The following SNTB1 variants were observed in gnomAD, a reference collection of about 807,000 sequenced individuals.
The protein encoded by SNTB1 is beta-1-syntrophin.
SNTB1 carries 36 observed loss-of-function variants against 48.9 expected under a neutral mutation model. The observed-to-expected ratio is 0.74, with a 90% CI of 0.56 to 0.97. The LOEUF (loss-of-function observed/expected upper bound fraction) is 0.97. SNTB1 is among the 50% of genes least tolerant of loss of function. The probability of loss-of-function intolerance (pLI) is 0.00; values close to 1 mark genes in which losing one functional copy is unlikely to be tolerated. For missense variants in SNTB1, 786 were observed against 703.4 expected (o/e 1.12, Z -1.33); for synonymous variants, 299 against 294.6 (o/e 1.01, Z -0.15).
intron 1 of SNTB1, among the ~76,000 whole-genome samples, chr8:120,726,136 C>T (rs1818751832): frequency 6.6e-6 from 1 of 152,140 alleles, no homozygotes; most frequent in South Asian, 2.1e-4. Flanking sequence ...TTTGCTGGTG[C>T]CGTATAAGCA....
intron 3 of SNTB1, among the ~76,000 whole-genome samples, chr8:120,619,779 C>T (rs1337358008): frequency 6.6e-6 from 1 of 152,116 alleles, no homozygotes; most frequent in Non-Finnish European, 1.5e-5. Context: ...TGTGGTCTGA[C>T]ACTCAGACCT....
intron 1 of SNTB1, among the ~76,000 whole-genome samples, chr8:120,757,447 A>G (rs1170318381): frequency 6.6e-6 from 1 of 152,192 alleles, no homozygotes; most frequent in Non-Finnish European, 1.5e-5. Flanking sequence ...CAGAGACAGG[A>G]GACCTGGGTC....
intron 1 of SNTB1, among the ~76,000 whole-genome samples, chr8:120,725,541 T>C (rs1290395870): frequency 6.6e-6 from 1 of 152,236 alleles, no homozygotes; most frequent in Non-Finnish European, 1.5e-5. Flanking sequence ...AAAGCTCTAA[T>C]CTCCTGTGAG....
intron 3 of SNTB1, among the ~76,000 whole-genome samples, chr8:120,596,800 A>G (rs532406343): frequency 6.6e-6 from 1 of 152,298 alleles, no homozygotes; most frequent in East Asian, 1.9e-4. Flanking sequence ...CACAGTCAGG[A>G]AAGCGTCTTT....
chr8:120,643,636 T>C (rs1415803023), intron 2 of SNTB1, among the ~76,000 whole-genome samples: 1 of 152,270 alleles, frequency 6.6e-6, no homozygotes, highest in Non-Finnish European at 1.5e-5. Flanking sequence ...GTGGTGTATG[T>C]ATATCACATT....
At chr8:120,542,210 A>C (rs1224113629) in intron 5 of SNTB1, 1 of 497,126 alleles carries the variant, frequency 2.0e-6, no homozygotes, top group Non-Finnish European at 3.5e-6. Flanking sequence ...AAGGAAAAAT[A>C]ATGGAAAGAA....
chr8:120,773,620 G>A (rs1819679087), intron 1 of SNTB1, among the ~76,000 whole-genome samples: 1 of 152,102 alleles, frequency 6.6e-6, no homozygotes, highest in Non-Finnish European at 1.5e-5. Context: ...AAAAAAATGT[G>A]TAAACAAATA....
intron 4 of SNTB1, among the ~76,000 whole-genome samples, chr8:120,558,276 A>G (rs771902793): frequency 3.3e-5 from 5 of 152,196 alleles, no homozygotes; most frequent in Non-Finnish European, 7.3e-5. Flanking sequence ...GGCAAGAACT[A>G]TACTATAGTA....
intron 6 of SNTB1, among the ~76,000 whole-genome samples, chr8:120,541,496 C>G (rs1459169685): frequency 6.6e-6 from 1 of 152,162 alleles, no homozygotes; most frequent in African/African-American, 2.4e-5. Context: ...ATATGAGACG[C>G]TTGATACTTT....
At chr8:120,786,123 C>A (rs117563567) in intron 1 of SNTB1, among the ~76,000 whole-genome samples, 541 of 152,328 alleles carry the variant, frequency 3.6e-3, no homozygotes, top group Middle Eastern at 6.8e-3. Context: ...TACCACTGAA[C>A]CGTCTGCAGA....
At chr8:120,785,092 A>G (rs1819899866) in intron 1 of SNTB1, among the ~76,000 whole-genome samples, 1 of 152,222 alleles carries the variant, frequency 6.6e-6, no homozygotes. Flanking sequence ...TCCACCTCAC[A>G]GGGGACCTTG....
chr8:120,773,561 A>G (rs1005733589), intron 1 of SNTB1, among the ~76,000 whole-genome samples: 4 of 152,182 alleles, frequency 2.6e-5, no homozygotes, highest in African/African-American at 9.7e-5. Context: ...GGATACAAGT[A>G]TGAGTAAGGC....
chr8:120,769,008 C>T (rs971293517), intron 1 of SNTB1: 6 of 152,276 alleles, frequency 3.9e-5, no homozygotes, highest in Non-Finnish European at 7.3e-5. Context: ...GACAGACTCC[C>T]AGCCTCTCTC....
chr8:120,649,251 T>C (rs1817360566), intron 2 of SNTB1, among the ~76,000 whole-genome samples: 1 of 151,802 alleles, frequency 6.6e-6, no homozygotes, highest in Non-Finnish European at 1.5e-5. Flanking sequence ...CTCTGCTTTT[T>C]AGAGTTTCCA....
chr8:120,764,672 A>T (rs938632979), intron 1 of SNTB1, among the ~76,000 whole-genome samples: 2 of 152,316 alleles, frequency 1.3e-5, no homozygotes, highest in Non-Finnish European at 2.9e-5. Context: ...TATAACAGAT[A>T]AAACTCACAA....
chr8:120,542,011 AAG>A lies in SNTB1; in HGVS notation c.1334-13_1334-12del, dbSNP rs747537952. The A allele has an allele frequency of 5.6e-6, 9 of 1,609,754 alleles. No individual in the cohort carries two copies. The highest frequency in any genetic ancestry group is 5.5e-5 in the South Asian group (5 of 90,426). On this transcript the variant is annotated splice_polypyrimidine_tract_variant and intron_variant, in intron 5 of 6. Transcript: ENST00000517992. ...TTTTGTAGGTGCAAGCTGAGAGAGA[AAG>A]AGAGAGAAAAAGAGACAAGTATGAA... is the stretch of plus-strand genomic sequence containing the variant.
intron 2 of SNTB1, among the ~76,000 whole-genome samples, chr8:120,646,656 G>T (rs930805949): frequency 5.3e-5 from 8 of 151,914 alleles, no homozygotes; most frequent in African/African-American, 1.9e-4. Context: ...CCCGGCTTTG[G>T]TATCAGAATG....
intron 1 of SNTB1, among the ~76,000 whole-genome samples, chr8:120,799,702 G>A (rs1282362902): frequency 6.6e-6 from 1 of 152,006 alleles, no homozygotes; most frequent in Admixed American, 6.6e-5. Context: ...TGCAGATAGT[G>A]TAAGAGTCTT....
rs138227875 is a variant in SNTB1, at chr8:120,733,385, A to G, written c.572-39477T>C. On this transcript the variant is annotated intron_variant, in intron 1 of 6. Transcript: ENST00000517992. ...GCGTCTGTGTCATTTTCCTCCATAC[A>G]ACATTGGTTTTGTGTTCAGCACACT... Among the ~76,000 whole-genome samples the G allele has an allele frequency of 9.4e-3, 1,437 of 152,372 alleles. 9 individuals carry two copies. Among genetic ancestry groups the G allele is most frequent in the Non-Finnish European group, 0.015 (1,046 of 68,034 alleles).
Sources: allele counts gnomAD v4.1 joint callset (sites outside exome capture counted in the v4.1 genomes callset), GRCh38; gene constraint gnomAD v4.1.1; transcripts MANE v1.5; gene names NCBI Gene and HGNC (gene_info 2026-07-23, HGNC 2026-07-21).